BLK: variants seen among roughly 807,000 people sequenced by gnomAD.
The protein encoded by BLK is tyrosine-protein kinase Blk.
BLK carries 64 observed loss-of-function variants against 61.8 expected under a neutral mutation model. The ratio of observed to expected loss-of-function variants is 1.03; its 90% CI spans 0.85 to 1.27. BLK has a LOEUF of 1.27. BLK is among the 50% of genes most tolerant of loss of function. BLK has a pLI of 0.00. For missense variants in BLK, 853 were observed against 660.5 expected, an observed-to-expected ratio of 1.29 and a Z score of -3.19; for synonymous variants, 351 against 272.0, an observed-to-expected ratio of 1.29 and a Z score of -2.86.
intron 1 of BLK, among the ~76,000 whole-genome samples, chr8:11,508,683 A>C (rs1282638530): frequency 6.6e-6 from 1 of 152,256 alleles, no homozygotes; most frequent in African/African-American, 2.4e-5. Flanking sequence ...GGGGATGTGC[A>C]GAAAGCCAGA....
At chr8:11,547,090 A>ATG (rs1032169562) in intron 3 of BLK, among the ~76,000 whole-genome samples, 8 of 152,230 alleles carry the variant, frequency 5.3e-5, no homozygotes, top group Non-Finnish European at 8.8e-5. Flanking sequence ...TGCTCATATG[A>ATG]TGTGTACTGG....
chr8:11,543,479 G>A, intron 2 of BLK, 132 bp downstream of exon 2: 1 of 1,300,424 alleles, frequency 7.7e-7, no homozygotes, highest in Non-Finnish European at 1.1e-6. Context: ...GTATAAGCAG[G>A]TGTGCCATGC....
chr8:11,549,744 C>T (rs3779890), intron 5 of BLK, among the ~76,000 whole-genome samples: 3 of 152,300 alleles, frequency 2.0e-5, no homozygotes, highest in Middle Eastern at 3.4e-3. Context: ...ACAGAACAAC[C>T]CCATACCGAA....
At chr8:11,495,589 C>A (rs1380282707) in intron 1 of BLK, among the ~76,000 whole-genome samples, 1 of 138,182 alleles carries the variant, frequency 7.2e-6, no homozygotes, top group Non-Finnish European at 1.6e-5. Flanking sequence ...TCAGACAAAT[C>A]CAAACTGGGG....
intron 1 of BLK, among the ~76,000 whole-genome samples, chr8:11,536,886 C>A (rs1210151596): frequency 1.3e-5 from 2 of 152,208 alleles, no homozygotes; most frequent in African/African-American, 2.4e-5. Context: ...GAATCATGCC[C>A]ACTCTGAACT....
At chr8:11,522,821 T>C (rs181089538) in intron 1 of BLK, among the ~76,000 whole-genome samples, 25 of 152,266 alleles carry the variant, frequency 1.6e-4, no homozygotes, top group African/African-American at 6.0e-4. Context: ...AGTAGCAATA[T>C]ATATTGTTTA....
At chr8:11,539,267 C>A (rs1283450152) in intron 1 of BLK, among the ~76,000 whole-genome samples, 1 of 152,158 alleles carries the variant, frequency 6.6e-6, no homozygotes, top group Admixed American at 6.5e-5. Context: ...TTCCCTCATG[C>A]ACCTCTTTGG....
At chr8:11,559,837 A>G (rs17153470) in intron 10 of BLK, 1 of 455,930 alleles carries the variant, frequency 2.2e-6, no homozygotes, top group African/African-American at 2.0e-5. Flanking sequence ...ATTTCTATGA[A>G]GGTTTCCCTG....
intron 1 of BLK, among the ~76,000 whole-genome samples, chr8:11,521,997 T>G (rs1450451736): frequency 1.3e-5 from 2 of 152,216 alleles, no homozygotes. Flanking sequence ...ACATTTGATT[T>G]TTAAGTAATT....
rs559572509 is a variant in BLK, at chr8:11,557,900, G to A, written c.953-62G>A. On this transcript the variant is annotated intron_variant, in intron 9 of 12. Transcript: ENST00000259089. Reference sequence around the variant, plus strand: ...TGGGGAGCCACTCACACCAGAGAGAGGCTGGCACCACCAGGGGCGGGTCAC... The same window carrying A: ...TGGGGAGCCACTCACACCAGAGAGAAGCTGGCACCACCAGGGGCGGGTCAC... 44 of 1,503,066 alleles carry A rather than the reference G, an allele frequency of 2.9e-5. No individual in the cohort carries two copies. The African/African-American group carries it at 5.8e-4, about 20-fold the overall frequency. 93.1% of individuals were successfully genotyped at this position (1,503,066 alleles called of 1,614,324 possible).
intron 1 of BLK, among the ~76,000 whole-genome samples, chr8:11,525,988 G>T (rs1007836607): frequency 6.6e-6 from 1 of 152,182 alleles, no homozygotes. Flanking sequence ...GCCCAGGCTG[G>T]TCTCGAACTC....
At chr8:11,505,929 G>C (rs1798755132) in intron 1 of BLK, among the ~76,000 whole-genome samples, 2 of 152,316 alleles carry the variant, frequency 1.3e-5, no homozygotes, top group South Asian at 4.2e-4. Context: ...TGTATCCTTG[G>C]AGGTCCAGTC....
rs1227797957 is a variant in BLK, at chr8:11,564,055, G to C, written c.1465G>C (p.Val489Leu). 9 of 1,601,752 alleles carry C rather than the reference G, an allele frequency of 5.6e-6. No individual in the cohort carries two copies. Among genetic ancestry groups the C allele is most frequent in the Non-Finnish European group, 6.8e-6 (8 of 1,177,832 alleles). ...ERPTFEFLQS[V>L]LEDFYTATER... ...GCCCACCTTCGAGTTCCTGCAGTCG[G>C]TGCTGGAGGACTTCTACACGGCCAC... is the stretch of plus-strand genomic sequence containing the variant. Residue 489 changes from valine to leucine, a missense_variant, in exon 13 of 13, where the codon GTG (valine) becomes CTG (leucine). By Grantham distance (32) the Val-to-Leu change is conservative. Transcript: ENST00000259089.
chr8:11,541,403 CAAATT>C lies in BLK; in HGVS notation c.-1-1817_-1-1813del, dbSNP rs145650833. Among the ~76,000 whole-genome samples, 1,108 of 152,060 alleles carry C rather than the reference CAAATT, an allele frequency of 7.3e-3. 7 individuals carry two copies. The highest frequency in any genetic ancestry group is 0.025 in the African/African-American group (1,046 of 41,448). On this transcript the variant is annotated intron_variant, in intron 1 of 12. Transcript: ENST00000259089. The stretch of plus-strand genomic sequence containing the variant: ...TTACCAACATAATTTATTACATTGA[CAAATT>C]AAAGGTGAACATACATCATATTGAT...
rs548131942 is a variant in BLK at position 11,496,099 on chromosome 8, G to C, written c.-2+1508G>C. Among the ~76,000 whole-genome samples the C allele has an allele frequency of 2.6e-5, 4 of 152,222 alleles. No individual in the cohort carries two copies. In the East Asian group the frequency reaches 7.7e-4, roughly 29 times the overall value. Reference sequence around the variant, plus strand: ...AATATAGCAGGCCTTTTGAATTTTTGACCATCCATCATTCTCTCTCCCAAC... The same window carrying C: ...AATATAGCAGGCCTTTTGAATTTTTCACCATCCATCATTCTCTCTCCCAAC... On this transcript the variant is annotated intron_variant, in intron 1 of 12. Coordinates refer to ENST00000259089, the MANE Select transcript of BLK (RefSeq NM_001715.3).
Position 11,556,681 on chromosome 8 carries a change from G to A in BLK, c.796G>A (p.Val266Met), listed in dbSNP as rs777278971. ...AGGTTACTACAAAAACAACATGAAG[G>A]TGGCCATTAAGACGCTGAAGGAGGG... ...WMGYYKNNMK[V>M]AIKTLKEGTM... The change falls in exon 9 of 13, where the codon GTG becomes ATG. Residue 266 changes from valine to methionine, a missense_variant. Transcript: ENST00000259089. 28 of 1,614,146 alleles carry A rather than the reference G, an allele frequency of 1.7e-5. No homozygotes were observed. The South Asian group carries it at 3.0e-4, about 17-fold the overall frequency.
chr8:11,542,959 G>T (rs1412011952), intron 1 of BLK, among the ~76,000 whole-genome samples: 1 of 152,278 alleles, frequency 6.6e-6, no homozygotes, highest in Non-Finnish European at 1.5e-5. Flanking sequence ...ATCCACCCCA[G>T]TGGTTTCCAG....
At chr8:11,538,099 CAT>C (rs1408293180) in intron 1 of BLK, among the ~76,000 whole-genome samples, 2 of 152,188 alleles carry the variant, frequency 1.3e-5, no homozygotes, top group African/African-American at 4.8e-5. Context: ...TATACACACA[CAT>C]ATTCAAGCAC....
intron 1 of BLK, among the ~76,000 whole-genome samples, chr8:11,508,938 C>T (rs919439260): frequency 6.6e-6 from 1 of 152,170 alleles, no homozygotes; most frequent in Non-Finnish European, 1.5e-5. Flanking sequence ...TGCTGGGCGC[C>T]TTTTGTGCCT....
Sources: gnomAD v4.1 joint callset for allele counts (sites outside exome capture counted in the v4.1 genomes callset) on GRCh38, gnomAD v4.1.1 for gene constraint, MANE v1.5 for transcripts, NCBI Gene and HGNC (gene_info 2026-07-23, HGNC 2026-07-21) for gene names.